The following CCDC149 variants were observed in gnomAD, a reference collection of about 807,000 sequenced individuals.
CCDC149 encodes the protein coiled-coil domain containing 149.
A neutral mutation model predicts 59.9 loss-of-function variants in CCDC149; 45 were observed. That is an observed-to-expected ratio of 0.75 (90% CI 0.59 to 0.96). The LOEUF is 0.96. Among genes scored for constraint, CCDC149 ranks in the 40% least tolerant of loss-of-function variants. The pLI is 0.00. For synonymous variants in CCDC149, 245 were observed against 260.6 expected, an observed-to-expected ratio of 0.94 and a Z score of 0.58; for missense variants, 584 against 664.7, an observed-to-expected ratio of 0.88 and a Z score of 1.33.
At chr4:24,978,152 T>C (rs1724288478) in intron 1 of CCDC149, among the ~76,000 whole-genome samples, 1 of 152,118 alleles carries the variant, frequency 6.6e-6, no homozygotes, top group Non-Finnish European at 1.5e-5. Context: ...AATACATGAA[T>C]AAATAAATCT....
intron 1 of CCDC149, among the ~76,000 whole-genome samples, chr4:24,953,837 G>A (rs61314496): frequency 0.026 from 3,923 of 152,108 alleles, 168 homozygotes; most frequent in African/African-American, 0.09. Context: ...ATCAAGAAGA[G>A]AGAAAAGCTA....
At chr4:24,811,480 C>T (rs1164954561) in intron 12 of CCDC149, among the ~76,000 whole-genome samples, 2 of 152,160 alleles carry the variant, frequency 1.3e-5, no homozygotes. Flanking sequence ...TGTGAGCATG[C>T]TGTATTCGTT....
At position 24,898,080 on chromosome 4, in the gene CCDC149, T is replaced by A. The variant is rs184482066; in HGVS notation, c.63+14737A>T. ...AGCAGGCACAGCAATCTGCGCCCCATCAATATGATTTTTCCATGGCATCAT... is the reference window on the plus strand; with the variant it reads ...AGCAGGCACAGCAATCTGCGCCCCAACAATATGATTTTTCCATGGCATCAT... On this transcript the variant is annotated intron_variant, in intron 1 of 12. Transcript: ENST00000635206. Among the ~76,000 whole-genome samples the A allele has an allele frequency of 4.6e-5, 7 of 152,242 alleles. No homozygotes were observed. The East Asian group carries it at 1.2e-3, about 25-fold the overall frequency.
intron 2 of CCDC149, among the ~76,000 whole-genome samples, chr4:24,874,188 G>A (rs1719233509): frequency 6.6e-6 from 1 of 150,608 alleles, no homozygotes; most frequent in African/African-American, 2.5e-5. Context: ...TGTTGGGAGG[G>A]ACAGTATTTG....
intron 12 of CCDC149, among the ~76,000 whole-genome samples, chr4:24,809,590 A>G (rs1182920473): frequency 1.3e-5 from 2 of 149,994 alleles, no homozygotes; most frequent in Non-Finnish European, 2.9e-5. Flanking sequence ...AGCATGGCGG[A>G]GCCAGCTCTT....
intron 1 of CCDC149, among the ~76,000 whole-genome samples, chr4:24,971,022 T>G (rs111709226): frequency 2.1e-4 from 32 of 152,278 alleles, no homozygotes; most frequent in African/African-American, 7.5e-4. Flanking sequence ...GAATGGCCTT[T>G]GACATAATAA....
chr4:24,906,241 G>C (rs531661272), intron 1 of CCDC149, among the ~76,000 whole-genome samples: 83 of 152,028 alleles, frequency 5.5e-4, no homozygotes, highest in African/African-American at 2.0e-3. Context: ...CAATTCCCTG[G>C]ACCCAGCCTT....
chr4:24,945,175 G>C (rs552133697), intron 1 of CCDC149, among the ~76,000 whole-genome samples: 1 of 152,238 alleles, frequency 6.6e-6, no homozygotes, highest in African/African-American at 2.4e-5. Context: ...GCACTACCCA[G>C]GTGTACTGAG....
chr4:24,857,485 C>T (rs916269812), intron 3 of CCDC149, among the ~76,000 whole-genome samples: 7 of 152,184 alleles, frequency 4.6e-5, no homozygotes, highest in Non-Finnish European at 1.0e-4. Flanking sequence ...AATTAGGTTG[C>T]AGCCTGGCCC....
At chr4:24,927,621 C>A (rs1272436801) in intron 1 of CCDC149, among the ~76,000 whole-genome samples, 1 of 152,140 alleles carries the variant, frequency 6.6e-6, no homozygotes, top group Non-Finnish European at 1.5e-5. Flanking sequence ...CAAACAACCC[C>A]CTTCCCGTAT....
At chr4:24,878,393 C>T (rs180996500) in intron 1 of CCDC149, among the ~76,000 whole-genome samples, 4 of 152,230 alleles carry the variant, frequency 2.6e-5, no homozygotes, top group African/African-American at 9.6e-5. Context: ...GATTTTGAGA[C>T]GTTGACATCG....
intron 7 of CCDC149, among the ~76,000 whole-genome samples, chr4:24,835,960 C>T (rs753661766): frequency 6.6e-6 from 1 of 152,198 alleles, no homozygotes; most frequent in Admixed American, 6.5e-5. Flanking sequence ...TTTAAACATT[C>T]TGTCCTTGCA....
Position 24,876,592 on chromosome 4 carries a change from C to T in CCDC149, c.169G>A (p.Ala57Thr), listed in dbSNP as rs140899213. The T allele has an allele frequency of 8.1e-6, 13 of 1,614,116 alleles. No individual in the cohort carries two copies. Among genetic ancestry groups the T allele is most frequent in the African/African-American group, 1.3e-5 (1 of 75,032 alleles). Residue 57 changes from alanine to threonine, a missense_variant, in exon 2 of 13, where the codon GCC becomes ACC. By Grantham distance (58) the Ala-to-Thr change is moderately conservative. Transcript: ENST00000635206. ...TGGTGGCGCTCCCGGAGCTGATTGG[C>T]CATGAGTTTGTACTGGTCCCTTTCC... is the stretch of plus-strand genomic sequence containing the variant.
At chr4:24,907,364 A>G (rs148257688) in intron 1 of CCDC149, among the ~76,000 whole-genome samples, 83 of 152,072 alleles carry the variant, frequency 5.5e-4, no homozygotes, top group Admixed American at 2.0e-3. Context: ...AAGCCCCCCA[A>G]TTTTACTTGG....
At chr4:24,960,700 G>A (rs984653035) in intron 1 of CCDC149, among the ~76,000 whole-genome samples, 11 of 152,066 alleles carry the variant, frequency 7.2e-5, no homozygotes, top group African/African-American at 2.7e-4. Context: ...TAGCCAAAAG[G>A]ATATAAAAAT....
At chr4:24,829,970 G>C (rs1716028167) in intron 9 of CCDC149, 2 of 152,784 alleles carry the variant, frequency 1.3e-5, no homozygotes, top group African/African-American at 4.8e-5. Context: ...AAAGCCAGAA[G>C]AAGGGAGGAG....
intron 4 of CCDC149, among the ~76,000 whole-genome samples, chr4:24,844,379 G>A (rs970579873): frequency 2.6e-5 from 4 of 152,078 alleles, no homozygotes; most frequent in Non-Finnish European, 5.9e-5. Context: ...TTACAGTAGC[G>A]AGAACCCCCT....
At chr4:24,949,966 G>C (rs72619166) in intron 1 of CCDC149, among the ~76,000 whole-genome samples, 3 of 152,068 alleles carry the variant, frequency 2.0e-5, no homozygotes, top group African/African-American at 7.3e-5. Flanking sequence ...GAAGGATGGC[G>C]ACAGAGGTCA....
intron 1 of CCDC149, among the ~76,000 whole-genome samples, chr4:24,962,025 C>G (rs1245507972): frequency 6.6e-6 from 1 of 151,180 alleles, no homozygotes; most frequent in Non-Finnish European, 1.5e-5. Context: ...GAACAGGCAA[C>G]CTACAGAATG....
Sources: gnomAD v4.1 joint callset for allele counts (sites outside exome capture counted in the v4.1 genomes callset) on GRCh38, gnomAD v4.1.1 for gene constraint, MANE v1.5 for transcripts, NCBI Gene and HGNC (gene_info 2026-07-23, HGNC 2026-07-21) for gene names.